CDH23: variants seen among roughly 807,000 people sequenced by gnomAD.
The protein encoded by CDH23 is cadherin related 23.
CDH23 carries 189 observed loss-of-function variants against 317.1 expected under a neutral mutation model. The observed-to-expected ratio is 0.60, with a 90% CI of 0.53 to 0.67. The LOEUF (loss-of-function observed/expected upper bound fraction) is 0.67, where lower values mean the gene tolerates loss of function less well. Ranked by LOEUF, CDH23 falls within the 30% of genes least tolerant of loss-of-function variation. CDH23 has a pLI of 0.00. For synonymous variants in CDH23, 1,839 were observed against 1,876.8 expected (o/e 0.98, Z 0.52); for missense variants, 4,401 against 4,592.4 (o/e 0.96, Z 1.20).
intron 3 of CDH23, among the ~76,000 whole-genome samples, chr10:71,500,098 TA>T: frequency 6.6e-6 from 1 of 152,062 alleles, no homozygotes; most frequent in East Asian, 1.9e-4. Context: ...TTGTATATTT[TA>T]AAAGAGCTAG....
At chr10:71,811,208 A>G in intron 62 of CDH23, 107 bp from the exon 63 acceptor site, 1 of 1,545,656 alleles carries the variant, frequency 6.5e-7, no homozygotes, top group Non-Finnish European at 8.9e-7. Flanking sequence ...CAATCTTGCA[A>G]GGCTTGGGGT....
intron 3 of CDH23, among the ~76,000 whole-genome samples, chr10:71,503,856 C>T (rs1853483210): frequency 6.6e-6 from 1 of 152,028 alleles, no homozygotes; most frequent in Non-Finnish European, 1.5e-5. Context: ...GGAACCTTCC[C>T]AGCCAAAGGC....
At chr10:71,701,884 C>G in intron 22 of CDH23, 138 bp from the exon 23 acceptor site, 1 of 848,836 alleles carries the variant, frequency 1.2e-6, no homozygotes, top group South Asian at 1.6e-5. Context: ...CCGGGCCCAG[C>G]GGGGATGCCC....
chr10:71,578,474 C>T (rs1421367380), intron 9 of CDH23, among the ~76,000 whole-genome samples: 1 of 152,152 alleles, frequency 6.6e-6, no homozygotes, highest in African/African-American at 2.4e-5. Context: ...CTTAAGAATT[C>T]ATGTCGCATC....
chr10:71,677,764 C>T lies in CDH23; in HGVS notation c.1752+71C>T, dbSNP rs555631622. 4.4e-4 allele frequency: 578 copies of T among 1,324,742 alleles called. 4 individuals are homozygous for T. In the Middle Eastern group the frequency reaches 4.7e-3, roughly 11 times the overall value. 82.1% of individuals were successfully genotyped at this position (1,324,742 alleles called of 1,614,324 possible). ...TCTCCCTGTACTTGCTTGCTTGCTT[C>T]TTTTTTGTTTTTGTTTTTATGAGAC... On this transcript the variant is annotated intron_variant, in intron 16 of 69. Transcript: ENST00000224721.
chr10:71,722,106 A>G (rs1167261545), intron 28 of CDH23, among the ~76,000 whole-genome samples: 6 of 152,172 alleles, frequency 3.9e-5, no homozygotes, highest in Non-Finnish European at 8.8e-5. Context: ...GAAAGCCTAC[A>G]TTAGGGCTTC....
intron 9 of CDH23, among the ~76,000 whole-genome samples, chr10:71,595,366 C>T (rs548626351): frequency 4.6e-5 from 7 of 152,252 alleles, no homozygotes; most frequent in African/African-American, 1.7e-4. Flanking sequence ...TCACACTCAC[C>T]TCCCCCAGGA....
At chr10:71,414,404 C>T (rs746213886) in intron 1 of CDH23, among the ~76,000 whole-genome samples, 2 of 152,072 alleles carry the variant, frequency 1.3e-5, no homozygotes, top group Non-Finnish European at 2.9e-5. Context: ...ATGTTTGTGT[C>T]TATTGAAATG....
At chr10:71,461,932 T>TG (rs1422603240) in intron 3 of CDH23, among the ~76,000 whole-genome samples, 1 of 117,594 alleles carries the variant, frequency 8.5e-6, no homozygotes, top group Non-Finnish European at 2.0e-5. Context: ...TTAGGACCGC[T>TG]GCCCTGGCCA....
At chr10:71,420,497 G>A (rs200220079) in intron 1 of CDH23, among the ~76,000 whole-genome samples, 9 of 1,348 alleles carry the variant, frequency 6.7e-3, no homozygotes, top group Non-Finnish European at 7.2e-3. Context: ...GGTGATGATG[G>A]TAATGGTGAT....
intron 14 of CDH23, among the ~76,000 whole-genome samples, chr10:71,674,435 C>T (rs899149883): frequency 6.6e-6 from 1 of 152,168 alleles, no homozygotes; most frequent in Admixed American, 6.6e-5. Context: ...GCAAGTGGAC[C>T]CCAAAGTCAG....
intron 1 of CDH23, among the ~76,000 whole-genome samples, chr10:71,408,369 AAGAGAG>A (rs111771075): frequency 6.7e-6 from 1 of 150,054 alleles, no homozygotes; most frequent in Non-Finnish European, 1.5e-5. Flanking sequence ...GTGTTAGAAG[AAGAGAG>A]AGAGAGAGAG....
Position 71,793,258 on chromosome 10 carries a change from T to G in CDH23, c.6330T>G (p.Ala2110=), listed in dbSNP as rs541409275. Residue 2110 remains alanine (A), a synonymous_variant, in exon 48 of 70, where the codon GCT becomes GCG. Transcript: ENST00000224721. ...GGGAGCTGGTCTACCGAATAGAAGC[T>G]GGGGCTCAGGACCGCTTCCTCATTC... ...LNGELVYRIE[A]GAQDRFLIHL... is the part of the protein sequence containing the mutation. 1 of 1,613,922 alleles carries G rather than the reference T, an allele frequency of 6.2e-7. No homozygotes were observed. Among genetic ancestry groups the G allele is most frequent in the Non-Finnish European group, 8.5e-7 (1 of 1,179,882 alleles).
At chr10:71,431,268 C>G (rs947309984) in intron 1 of CDH23, among the ~76,000 whole-genome samples, 3 of 152,200 alleles carry the variant, frequency 2.0e-5, no homozygotes, top group African/African-American at 7.2e-5. Flanking sequence ...AGGCTGATGT[C>G]TGTGGCTCCC....
intron 3 of CDH23, among the ~76,000 whole-genome samples, chr10:71,457,548 G>T (rs1850754867): frequency 6.6e-6 from 1 of 152,180 alleles, no homozygotes; most frequent in Admixed American, 6.5e-5. Flanking sequence ...AGCCTCAGTG[G>T]CCAAGGGTCC....
At chr10:71,483,689 A>G (rs1852190753) in intron 3 of CDH23, among the ~76,000 whole-genome samples, 1 of 152,186 alleles carries the variant, frequency 6.6e-6, no homozygotes, top group South Asian at 2.1e-4. Flanking sequence ...TAGGTGCATC[A>G]GCTGATTTAA....
chr10:71,725,057 G>A (rs1564759229), intron 29 of CDH23, among the ~76,000 whole-genome samples: 1 of 152,224 alleles, frequency 6.6e-6, no homozygotes, highest in Non-Finnish European at 1.5e-5. Flanking sequence ...ACATCTGTGG[G>A]TGTAGGAGCA....
intron 7 of CDH23, 89 bp downstream of exon 7, chr10:71,567,025 C>A: frequency 8.5e-7 from 1 of 1,182,588 alleles, no homozygotes; most frequent in Non-Finnish European, 1.2e-6. Context: ...GGACATTGAC[C>A]CAGTGGCACA....
intron 11 of CDH23, among the ~76,000 whole-genome samples, chr10:71,640,601 C>A (rs10466023): frequency 0.51 from 77,966 of 151,780 alleles, 20,985 homozygotes; most frequent in Non-Finnish European, 0.62. Flanking sequence ...TACAAAAATT[C>A]CCCGGGCGTG....
Sources: allele counts gnomAD v4.1 joint callset (sites outside exome capture counted in the v4.1 genomes callset), GRCh38; gene constraint gnomAD v4.1.1; transcripts MANE v1.5; gene names NCBI Gene and HGNC (gene_info 2026-07-23, HGNC 2026-07-21).